Variants in BTBD18 observed in about 807,000 individuals in gnomAD.
The protein encoded by BTBD18 is BTB domain containing 18.
For synonymous variants in BTBD18, 311 were observed against 324.4 expected (o/e 0.96, Z 0.44); for missense variants, 787 against 846.3 (o/e 0.93, Z 0.87).
rs1246529259 is a variant in BTBD18 at position 57,744,587 on chromosome 11, A to T, written c.1686T>A (p.Ala562=). ...RELTELEKEP[A]GENRGPTELL... is the part of the protein sequence containing the mutation. Reference sequence around the variant, plus strand: ...GCTCAGTTGGCCCTCTGTTCTCACCAGCAGGTTCCTTTTCCAATTCTGTGA... The same window carrying T: ...GCTCAGTTGGCCCTCTGTTCTCACCTGCAGGTTCCTTTTCCAATTCTGTGA... Residue 562 remains alanine, a synonymous_variant, in exon 3 of 3, where the codon GCT becomes GCA. Coordinates refer to ENST00000422652, the MANE Select transcript of BTBD18 (RefSeq NM_001145101.3). 1 of 1,551,568 alleles carries T rather than the reference A, an allele frequency of 6.4e-7. No individual in the cohort carries two copies. Among genetic ancestry groups the T allele is most frequent in the African/African-American group, 1.4e-5 (1 of 73,038 alleles).
intron 2 of BTBD18, among the ~76,000 whole-genome samples, chr11:57,749,960 C>G (rs372125631): frequency 1.4e-4 from 22 of 152,066 alleles, no homozygotes; most frequent in Non-Finnish European, 2.5e-4. Flanking sequence ...GGGCCTTGTA[C>G]ATTATATATC....
In BTBD18 at chr11:57,744,083, A is replaced by G; in HGVS notation, c.*51T>C. The G allele has an allele frequency of 7.5e-7, 1 of 1,339,912 alleles. No homozygotes were observed. Among genetic ancestry groups the G allele is most frequent in the South Asian group, 1.4e-5 (1 of 69,876 alleles). The allele number at this position is 1,339,912 out of a possible 1,614,324, so 83.0% of individuals were successfully genotyped here. A position where few individuals can be genotyped will look rare whatever the true frequency, so the allele number is the denominator to read the frequency against. On this transcript the variant is annotated 3_prime_UTR_variant, in exon 3 of 3. Transcript: ENST00000422652. ...CTTCTCTGCCAGTAAGCCTTTTGCTAGCTAACATTTCCCACCCTCCCAAGG... is the reference window on the plus strand; with the variant it reads ...CTTCTCTGCCAGTAAGCCTTTTGCTGGCTAACATTTCCCACCCTCCCAAGG...
intron 2 of BTBD18, among the ~76,000 whole-genome samples, chr11:57,749,418 C>T (rs1949255596): frequency 6.6e-6 from 1 of 152,104 alleles, no homozygotes; most frequent in Admixed American, 6.6e-5. Flanking sequence ...AGAATTGGAA[C>T]CATATAGCTA....
chr11:57,746,553 ACCT>A (rs1385651087), intron 2 of BTBD18, among the ~76,000 whole-genome samples: 1 of 151,868 alleles, frequency 6.6e-6, no homozygotes, highest in Non-Finnish European at 1.5e-5. Flanking sequence ...CGGTCTCCTG[ACCT>A]CAGGTGATCC....
chr11:57,752,173 T>A (rs1565247158), upstream of BTBD18, among the ~76,000 whole-genome samples: 1 of 152,146 alleles, frequency 6.6e-6, no homozygotes, highest in Non-Finnish European at 1.5e-5. Flanking sequence ...TTCTATCAGG[T>A]AGCACTGAGG....
intron 2 of BTBD18, among the ~76,000 whole-genome samples, chr11:57,749,062 A>G (rs1479336768): frequency 6.6e-6 from 1 of 152,122 alleles, no homozygotes; most frequent in Non-Finnish European, 1.5e-5. Flanking sequence ...GATCTCACCT[A>G]AGGGGTTATT....
Position 57,749,705 on chromosome 11 carries a change from G to A in BTBD18, c.124+1360C>T, listed in dbSNP as rs748830703. Among the ~76,000 whole-genome samples, 12 of 126,894 alleles carry A rather than the reference G, an allele frequency of 9.5e-5. No homozygotes were observed. The East Asian group carries it at 1.2e-3, about 13-fold the overall frequency. 83.2% of individuals were successfully genotyped at this position (126,894 alleles called of 152,430 possible). ...GCGGAGACAGCAGTGAGCTGAGACC[G>A]CGCAATTGCACTTCAGCCTGGGCGA... On this transcript the variant is annotated intron_variant, in intron 2 of 2. Transcript: ENST00000422652.
In BTBD18 at chr11:57,744,050, C is replaced by T. The variant is rs1949143108; in HGVS notation, c.*84G>A. On this transcript the variant is annotated 3_prime_UTR_variant, in exon 3 of 3. Transcript: ENST00000422652. ...ACACCTGCCTCTTGTGCTGAGGGCACGTGCCAGCTTCTCTGCCAGTAAGCC... is the reference window on the plus strand; with the variant it reads ...ACACCTGCCTCTTGTGCTGAGGGCATGTGCCAGCTTCTCTGCCAGTAAGCC... 5.8e-6 allele frequency: 6 copies of T among 1,029,666 alleles called. No individual in the cohort carries two copies. The highest frequency in any genetic ancestry group is 2.6e-5 in the East Asian group (1 of 38,262). The allele number at this position is 1,029,666 out of a possible 1,614,324, so 63.8% of individuals were successfully genotyped here. A position where few individuals can be genotyped will look rare whatever the true frequency, so the allele number is the denominator to read the frequency against.
In BTBD18 at chr11:57,744,927, C is replaced by T; in HGVS notation, c.1346G>A (p.Ser449Asn). 1 of 1,551,484 alleles carries T rather than the reference C, an allele frequency of 6.4e-7. No homozygotes were observed. The highest frequency in any genetic ancestry group is 8.7e-7 in the Non-Finnish European group (1 of 1,146,890). ...AGGTTCCTTCTCTACCAGTTCTGGA[C>T]TGGACTCAAACTCTGACTTCACCAC... is the stretch of plus-strand genomic sequence containing the variant. The part of the protein sequence containing the change: ...HPVVKSEFES[S>N]PELVEKEPML... The change falls in exon 3 of 3, where the codon AGT becomes AAT. Residue 449 changes from serine (S) to asparagine (N), a missense_variant. By Grantham distance (46) the Ser-to-Asn change is conservative (BLOSUM62 1). Transcript: ENST00000422652.
Position 57,744,156 on chromosome 11 carries a change from G to A in BTBD18, c.2117C>T (p.Thr706Ile), listed in dbSNP as rs1383980111. 1 of 1,550,410 alleles carries A rather than the reference G, an allele frequency of 6.4e-7. No individual in the cohort carries two copies. The highest frequency in any genetic ancestry group is 8.7e-7 in the Non-Finnish European group (1 of 1,146,228). ...VWPDPSSESE[T>I]EVDILT The stretch of plus-strand genomic sequence containing the variant: ...CCACTATGTTAGTATATCTACCTCT[G>A]TTTCTGACTCTGAGGAAGGGTCAGG... Residue 706 changes from threonine to isoleucine, a missense_variant, in exon 3 of 3, where the codon ACA becomes ATA. Thr to Ile is a moderately conservative substitution (Grantham distance 89). Coordinates refer to ENST00000422652, the MANE Select transcript of BTBD18 (RefSeq NM_001145101.3).
chr11:57,749,001 C>T (rs1262482157), intron 2 of BTBD18, among the ~76,000 whole-genome samples: 2 of 152,126 alleles, frequency 1.3e-5, no homozygotes, highest in African/African-American at 2.4e-5. Context: ...TGTATACGTG[C>T]TGCTGTCTGC....
chr11:57,750,331 C>G (rs545285177), intron 2 of BTBD18, among the ~76,000 whole-genome samples: 1 of 151,382 alleles, frequency 6.6e-6, no homozygotes, highest in African/African-American at 2.4e-5. Context: ...GAGCTGAGAC[C>G]GTGCCATTGC....
At chr11:57,747,514 GTT>G (rs557012203) in intron 2 of BTBD18, among the ~76,000 whole-genome samples, 56 of 152,044 alleles carry the variant, frequency 3.7e-4, no homozygotes, top group African/African-American at 1.3e-3. Context: ...TTTTGTTTTT[GTT>G]TTTGTTTTTG....
chr11:57,744,723 G>A lies in BTBD18; in HGVS notation c.1550C>T (p.Pro517Leu). The part of the protein sequence containing the change: ...IEPPIGSLES[P>L]GAEGCRTPTY... ...AGGCGTTCTGCAGCCCTCAGCCCCT[G>A]GACTCTCCAGAGACCCTATAGGTGG... Residue 517 changes from proline to leucine, a missense_variant, in exon 3 of 3, where the codon CCA (proline) becomes CTA (leucine). Pro to Leu is a moderately conservative substitution (Grantham distance 98, BLOSUM62 -3). Coordinates refer to ENST00000422652, the MANE Select transcript of BTBD18 (RefSeq NM_001145101.3). 1 of 1,551,692 alleles carries A rather than the reference G, an allele frequency of 6.4e-7. No homozygotes were observed. The highest frequency in any genetic ancestry group is 2.4e-5 in the East Asian group (1 of 40,926).
Position 57,744,586 on chromosome 11 carries a change from C to T in BTBD18, c.1687G>A (p.Gly563Ser). ...ELTELEKEPA[G>S]ENRGPTELLS... ...AGCTCAGTTGGCCCTCTGTTCTCAC[C>T]AGCAGGTTCCTTTTCCAATTCTGTG... is the stretch of plus-strand genomic sequence containing the variant. The change falls in exon 3 of 3, where the codon GGT (glycine) becomes AGT (serine). Residue 563 changes from glycine (G) to serine (S), a missense_variant. Coordinates refer to ENST00000422652, the MANE Select transcript of BTBD18 (RefSeq NM_001145101.3). 6.4e-7 allele frequency: 1 copy of T among 1,551,704 alleles called. No individual in the cohort carries two copies. The highest frequency in any genetic ancestry group is 8.7e-7 in the Non-Finnish European group (1 of 1,146,998).
chr11:57,752,364 G>C (rs1949328632), upstream of BTBD18, among the ~76,000 whole-genome samples: 1 of 152,038 alleles, frequency 6.6e-6, no homozygotes, highest in Non-Finnish European at 1.5e-5. Context: ...GTGACTCCCC[G>C]TCTCTACAAA....
chr11:57,746,267 A>G (rs563307882), intron 2 of BTBD18, 119 bp from the exon 3 acceptor site: 1 of 763,722 alleles, frequency 1.3e-6, no homozygotes, highest in East Asian at 2.9e-5. Flanking sequence ...TGGGACTTCA[A>G]GTAAAAGAAA....
chr11:57,752,553 TGA>T (rs1949335167), upstream of BTBD18, among the ~76,000 whole-genome samples: 2 of 149,766 alleles, frequency 1.3e-5, no homozygotes, highest in South Asian at 4.2e-4. Flanking sequence ...CCCATCCCAG[TGA>T]GAGAGATGTG....
In BTBD18 at chr11:57,745,988, G is replaced by T. The variant is rs1298844200; in HGVS notation, c.285C>A (p.Thr95=). The T allele has an allele frequency of 1.9e-6, 3 of 1,551,672 alleles. No homozygotes were observed. Among genetic ancestry groups the T allele is most frequent in the Non-Finnish European group, 2.6e-6 (3 of 1,146,992 alleles). The change falls in exon 3 of 3, where the codon ACC becomes ACA. Residue 95 remains threonine (T), a synonymous_variant. Transcript: ENST00000422652. Reference sequence around the variant, plus strand: ...CTTCTTGAGATACTTCCATTTCTGAGGTATACAAGAAGTCCACCAGCTTCC... The same window carrying T: ...CTTCTTGAGATACTTCCATTTCTGATGTATACAAGAAGTCCACCAGCTTCC... The part of the protein sequence containing the change: ...TLRKLVDFLY[T]SEMEVSQEEA...
Sources: gnomAD v4.1 joint callset for allele counts (sites outside exome capture counted in the v4.1 genomes callset) on GRCh38, gnomAD v4.1.1 for gene constraint, MANE v1.5 for transcripts, NCBI Gene and HGNC (gene_info 2026-07-23, HGNC 2026-07-21) for gene names.